Variants in SBF2 observed in about 807,000 individuals in gnomAD.
SBF2 encodes the protein SET binding factor 2.
In SBF2, 112 loss-of-function variants were observed where a neutral mutation model predicts 225.2. The observed-to-expected ratio is 0.50, with a 90% CI of 0.43 to 0.58. The LOEUF (loss-of-function observed/expected upper bound fraction) is 0.58, where lower values mean the gene tolerates loss of function less well. Among genes scored for constraint, SBF2 ranks in the 20% least tolerant of loss-of-function variants. The pLI, the probability that SBF2 is intolerant of heterozygous loss-of-function variation, is 0.00. For missense variants in SBF2, 1,996 were observed against 2,206.2 expected (o/e 0.90, Z 1.91); for synonymous variants, 763 against 773.3 (o/e 0.99, Z 0.22).
chr11:10,069,965 G>C (rs1389088794), intron 2 of SBF2, among the ~76,000 whole-genome samples: 1 of 152,220 alleles, frequency 6.6e-6, no homozygotes, highest in Admixed American at 6.5e-5. Flanking sequence ...CTTCTTTTGA[G>C]AAGTGTCTGT....
intron 25 of SBF2, among the ~76,000 whole-genome samples, chr11:9,841,928 T>A (rs886115102): frequency 2.0e-5 from 3 of 152,042 alleles, no homozygotes; most frequent in Admixed American, 1.3e-4. Flanking sequence ...GTTGTTGTTG[T>A]TAGTAGTAGT....
intron 25 of SBF2, among the ~76,000 whole-genome samples, chr11:9,842,149 T>A (rs1028379881): frequency 6.6e-6 from 1 of 152,226 alleles, no homozygotes; most frequent in Non-Finnish European, 1.5e-5. Context: ...AGCTGTTCTT[T>A]CAAATATTTA....
chr11:10,126,599 T>A (rs939143676), intron 2 of SBF2, among the ~76,000 whole-genome samples: 5 of 151,962 alleles, frequency 3.3e-5, no homozygotes, highest in Non-Finnish European at 4.4e-5. Flanking sequence ...ATTAAACAGG[T>A]GGGAATAAAA....
At chr11:10,281,759 A>G (rs1436847353) in intron 1 of SBF2, among the ~76,000 whole-genome samples, 1 of 152,142 alleles carries the variant, frequency 6.6e-6, no homozygotes, top group Non-Finnish European at 1.5e-5. Flanking sequence ...CCATCTTTTG[A>G]AGTCTCCACT....
At chr11:10,183,623 TA>T (rs1956820158) in intron 2 of SBF2, among the ~76,000 whole-genome samples, 1 of 152,238 alleles carries the variant, frequency 6.6e-6, no homozygotes, top group Admixed American at 6.5e-5. Flanking sequence ...ATTTTTTTCC[TA>T]AATGGATATC....
At chr11:9,820,525 C>T (rs1854692923) in intron 28 of SBF2, among the ~76,000 whole-genome samples, 1 of 152,226 alleles carries the variant, frequency 6.6e-6, no homozygotes, top group Admixed American at 6.5e-5. Flanking sequence ...GACAGTGATG[C>T]TTGAGTAGTT....
chr11:10,150,058 AAG>A (rs762189893), intron 2 of SBF2, among the ~76,000 whole-genome samples: 3 of 152,190 alleles, frequency 2.0e-5, no homozygotes, highest in Non-Finnish European at 4.4e-5. Context: ...TATGCCACAG[AAG>A]AGAGAAAATG....
chr11:10,105,122 C>T (rs1445687098), intron 2 of SBF2, among the ~76,000 whole-genome samples: 1 of 152,114 alleles, frequency 6.6e-6, no homozygotes, highest in Non-Finnish European at 1.5e-5. Flanking sequence ...AGTATTCCTC[C>T]TCCTCTATTC....
chr11:9,914,827 G>A (rs201099375), intron 16 of SBF2, among the ~76,000 whole-genome samples: 1 of 148,166 alleles, frequency 6.7e-6, no homozygotes, highest in Admixed American at 6.8e-5. Context: ...TGTAAAATGC[G>A]CACTTTGGGT....
chr11:10,125,277 C>T (rs557104547), intron 2 of SBF2, among the ~76,000 whole-genome samples: 24 of 152,082 alleles, frequency 1.6e-4, no homozygotes, highest in African/African-American at 5.3e-4. Flanking sequence ...CAACAGACTA[C>T]GAGATTCGAT....
At chr11:10,220,853 A>C (rs1176177135) in intron 1 of SBF2, among the ~76,000 whole-genome samples, 1 of 152,106 alleles carries the variant, frequency 6.6e-6, no homozygotes, top group Non-Finnish European at 1.5e-5. Flanking sequence ...AGGCCCCCAC[A>C]TACATATTTG....
chr11:10,217,001 TA>T (rs1174697319), intron 1 of SBF2, among the ~76,000 whole-genome samples: 2 of 152,150 alleles, frequency 1.3e-5, no homozygotes, highest in Non-Finnish European at 2.9e-5. Flanking sequence ...ATACAGGAGC[TA>T]AAAATAGAAA....
At chr11:10,146,609 C>G (rs1280495629) in intron 2 of SBF2, among the ~76,000 whole-genome samples, 1 of 152,074 alleles carries the variant, frequency 6.6e-6, no homozygotes, top group Non-Finnish European at 1.5e-5. Context: ...AAACCCAAAA[C>G]AATAAAAACC....
chr11:10,213,488 T>G (rs1958014678), intron 1 of SBF2, among the ~76,000 whole-genome samples: 1 of 152,234 alleles, frequency 6.6e-6, no homozygotes, highest in Non-Finnish European at 1.5e-5. Context: ...CCTCCTTTCC[T>G]GGTCCAGCAC....
chr11:9,844,149 A>G (rs967538607), intron 24 of SBF2, among the ~76,000 whole-genome samples: 3 of 152,190 alleles, frequency 2.0e-5, no homozygotes, highest in Admixed American at 6.5e-5. Flanking sequence ...CTCCGACCCT[A>G]TGGTGCTAAG....
At chr11:10,247,209 G>C (rs1959889346) in intron 1 of SBF2, among the ~76,000 whole-genome samples, 7 of 152,036 alleles carry the variant, frequency 4.6e-5, no homozygotes, top group Admixed American at 4.6e-4. Context: ...CACAAGAAAA[G>C]TTACAAGCCA....
At chr11:10,040,206 C>T (rs1310528910) in intron 3 of SBF2, among the ~76,000 whole-genome samples, 3 of 151,850 alleles carry the variant, frequency 2.0e-5, no homozygotes, top group Non-Finnish European at 2.9e-5. Flanking sequence ...ACATAAAAAT[C>T]GCCACTATGA....
chr11:10,141,960 T>TTA (rs1954668784), intron 2 of SBF2, among the ~76,000 whole-genome samples: 1 of 152,138 alleles, frequency 6.6e-6, no homozygotes, highest in Non-Finnish European at 1.5e-5. Flanking sequence ...TCCATCCTCT[T>TTA]TAAGCTCTTA....
intron 1 of SBF2, among the ~76,000 whole-genome samples, chr11:10,222,753 C>G (rs1417918415): frequency 6.6e-6 from 1 of 152,064 alleles, no homozygotes; most frequent in Non-Finnish European, 1.5e-5. Context: ...TATTTATTAA[C>G]CCATTTATAT....
Sources: gnomAD v4.1 joint callset for allele counts (sites outside exome capture counted in the v4.1 genomes callset) on GRCh38, gnomAD v4.1.1 for gene constraint, MANE v1.5 for transcripts, NCBI Gene and HGNC (gene_info 2026-07-23, HGNC 2026-07-21) for gene names.